The following AGBL4 variants were observed in gnomAD, a reference collection of about 807,000 sequenced individuals.
AGBL4 encodes the protein AGBL carboxypeptidase 4, also known as cytosolic carboxypeptidase 6.
AGBL4 carries 58 observed loss-of-function variants against 66.4 expected under a neutral mutation model. The ratio of observed to expected loss-of-function variants is 0.87; its 90% CI spans 0.71 to 1.09. The LOEUF (loss-of-function observed/expected upper bound fraction) is 1.09. Ranked by LOEUF, AGBL4 falls within the 50% of genes least tolerant of loss-of-function variation. The pLI is 0.00. For missense variants in AGBL4, 579 were observed against 631.0 expected (o/e 0.92, Z 0.88); for synonymous variants, 234 against 222.9 (o/e 1.05, Z -0.44).
chr1:49,515,639 A>G (rs1649730802), intron 3 of AGBL4, among the ~76,000 whole-genome samples: 1 of 151,744 alleles, frequency 6.6e-6, no homozygotes, highest in African/African-American at 2.4e-5. Context: ...GAACCAACCC[A>G]AATGTCCAAC....
chr1:49,501,832 T>C (rs943028866), intron 3 of AGBL4, among the ~76,000 whole-genome samples: 69 of 152,068 alleles, frequency 4.5e-4, no homozygotes, highest in African/African-American at 1.6e-3. Flanking sequence ...TCTCAAGATA[T>C]AGTTTAATGT....
intron 3 of AGBL4, among the ~76,000 whole-genome samples, chr1:49,487,334 G>A (rs2148736577): frequency 6.6e-6 from 1 of 151,990 alleles, no homozygotes; most frequent in East Asian, 1.9e-4. Flanking sequence ...ACTATATGAG[G>A]TAGGTGTCTG....
rs372985075 is a variant in AGBL4 at position 48,728,942 on chromosome 1, C to A, written c.635-65701G>T. On this transcript the variant is annotated intron_variant, in intron 6 of 13. Transcript: ENST00000371839. The stretch of plus-strand genomic sequence containing the variant: ...TGATTACTAATGAGGCTCAGTACGG[C>A]CACTCTCTTACTGAGTCCACCATTT... Among the ~76,000 whole-genome samples the A allele has an allele frequency of 5.3e-4, 80 of 152,274 alleles. 1 individual carries two copies. In the South Asian group the frequency reaches 0.013, roughly 25 times the overall value.
intron 3 of AGBL4, among the ~76,000 whole-genome samples, chr1:49,441,560 G>A (rs192017151): frequency 2.0e-4 from 31 of 152,280 alleles, no homozygotes; most frequent in African/African-American, 5.5e-4. Flanking sequence ...TCTCAGCTGG[G>A]AGGGTCCAGA....
At chr1:49,101,862 A>G (rs1004411127) in intron 4 of AGBL4, among the ~76,000 whole-genome samples, 1 of 152,184 alleles carries the variant, frequency 6.6e-6, no homozygotes. Context: ...AGGAAGTACT[A>G]TGTTCCCCCG....
At chr1:49,129,605 T>C (rs1645844853) in intron 4 of AGBL4, among the ~76,000 whole-genome samples, 1 of 151,976 alleles carries the variant, frequency 6.6e-6, no homozygotes, top group African/African-American at 2.4e-5. Context: ...AGAATGATGA[T>C]TTCCAATTTC....
intron 4 of AGBL4, among the ~76,000 whole-genome samples, chr1:49,181,507 C>A (rs548088310): frequency 2.6e-5 from 4 of 152,294 alleles, no homozygotes; most frequent in African/African-American, 9.6e-5. Flanking sequence ...GGCAAAATCC[C>A]AATATCTCTG....
chr1:48,798,469 C>T (rs1645739979), intron 6 of AGBL4, among the ~76,000 whole-genome samples: 1 of 152,068 alleles, frequency 6.6e-6, no homozygotes, highest in African/African-American at 2.4e-5. Context: ...TGTGTAGAAG[C>T]CTTTTAGTTT....
chr1:49,003,273 C>T (rs1661531066), intron 5 of AGBL4, among the ~76,000 whole-genome samples: 1 of 152,022 alleles, frequency 6.6e-6, no homozygotes, highest in African/African-American at 2.4e-5. Context: ...TGGCACATGC[C>T]TGTAATCCTA....
Position 50,006,207 on chromosome 1 carries a change from C to T in AGBL4, c.34+17556G>A, listed in dbSNP as rs75960026. On this transcript the variant is annotated intron_variant, in intron 1 of 13. Coordinates refer to ENST00000371839, the MANE Select transcript of AGBL4 (RefSeq NM_032785.4). ...ACAAAAAATTAGCCAGGCGTGGTGG[C>T]GGGTGCCTGTAGTCCCAGCCACTTG... 7.6e-4 allele frequency among the ~76,000 whole-genome samples: 116 copies of T among 151,924 alleles called. 4 individuals carry two copies. In the East Asian group the frequency reaches 0.019, roughly 25 times the overall value.
At chr1:48,823,377 A>C (rs1025940679) in intron 6 of AGBL4, among the ~76,000 whole-genome samples, 1 of 152,126 alleles carries the variant, frequency 6.6e-6, no homozygotes, top group African/African-American at 2.4e-5. Context: ...TGCACACTCC[A>C]AGGTTGGCTA....
intron 3 of AGBL4, among the ~76,000 whole-genome samples, chr1:49,332,726 A>G (rs1645359644): frequency 6.6e-6 from 1 of 152,242 alleles, no homozygotes; most frequent in Admixed American, 6.5e-5. Flanking sequence ...TGATGTTACA[A>G]TGCTCCAAGA....
At chr1:49,374,680 C>T (rs760592199) in intron 3 of AGBL4, among the ~76,000 whole-genome samples, 3 of 152,076 alleles carry the variant, frequency 2.0e-5, no homozygotes, top group African/African-American at 7.2e-5. Context: ...TCATTTACAT[C>T]TTAATATCCC....
At chr1:49,309,407 A>C (rs2148458176) in intron 3 of AGBL4, among the ~76,000 whole-genome samples, 1 of 152,180 alleles carries the variant, frequency 6.6e-6, no homozygotes, top group African/African-American at 2.4e-5. Flanking sequence ...GTGGCGCTAG[A>C]ATCTGAATTA....
intron 3 of AGBL4, among the ~76,000 whole-genome samples, chr1:49,667,228 G>T (rs547589546): frequency 8.5e-5 from 13 of 152,094 alleles, no homozygotes; most frequent in Admixed American, 3.9e-4. Context: ...GAAGGCCAAG[G>T]CAGGTAGATC....
chr1:48,543,917 T>A (rs1275406894), intron 11 of AGBL4, among the ~76,000 whole-genome samples: 1 of 152,190 alleles, frequency 6.6e-6, no homozygotes. Flanking sequence ...CAAGGCCACA[T>A]AACTGGTAAT....
chr1:49,388,649 A>G (rs1417493678), intron 3 of AGBL4, among the ~76,000 whole-genome samples: 1 of 152,168 alleles, frequency 6.6e-6, no homozygotes, highest in Non-Finnish European at 1.5e-5. Context: ...AGGATAAGCA[A>G]AGGTCAAAGC....
chr1:49,845,839 A>T (rs1388813679), intron 2 of AGBL4: 7 of 1,484,162 alleles, frequency 4.7e-6, no homozygotes, highest in African/African-American at 1.4e-5. Flanking sequence ...GTTCGACTGC[A>T]GTCAGTGTGG....
chr1:49,636,923 G>A (rs1351041719), intron 3 of AGBL4, among the ~76,000 whole-genome samples: 1 of 152,170 alleles, frequency 6.6e-6, no homozygotes, highest in African/African-American at 2.4e-5. Flanking sequence ...ATTAACATTT[G>A]AGTCAGTGGG....
Sources: allele counts gnomAD v4.1 joint callset (sites outside exome capture counted in the v4.1 genomes callset), GRCh38; gene constraint gnomAD v4.1.1; transcripts MANE v1.5; gene names NCBI Gene and HGNC (gene_info 2026-07-23, HGNC 2026-07-21).